Variants in PLXNA4 observed in about 807,000 individuals in gnomAD.
PLXNA4 encodes plexin-A4.
In PLXNA4, 44 loss-of-function variants were observed where a neutral mutation model predicts 191.8. That is an observed-to-expected ratio of 0.23 (90% CI 0.18 to 0.29). PLXNA4 has a LOEUF of 0.29. Ranked by LOEUF, PLXNA4 falls within the 10% of genes least tolerant of loss-of-function variation. PLXNA4 has a pLI of 1.00. For missense variants in PLXNA4, 1,800 were observed against 2,488.8 expected (o/e 0.72, Z 5.89); for synonymous variants, 1,082 against 1,009.5 (o/e 1.07, Z -1.36).
chr7:132,209,059 T>C (rs1418518804), intron 10 of PLXNA4, among the ~76,000 whole-genome samples: 12 of 152,234 alleles, frequency 7.9e-5, no homozygotes. Flanking sequence ...AGCGAGCTTC[T>C]TGGAAGCTAA....
Position 132,508,619 on chromosome 7 carries a change from C to A in PLXNA4, c.75G>T (p.Leu25Phe). 1.9e-6 allele frequency: 3 copies of A among 1,609,754 alleles called. No individual in the cohort carries two copies. Among genetic ancestry groups the A allele is most frequent in the Admixed American group, 1.7e-5 (1 of 59,592 alleles). Residue 25 changes from leucine (L) to phenylalanine (F), a missense_variant, in exon 2 of 32, where the codon TTG (leucine) becomes TTT (phenylalanine). Coordinates refer to ENST00000321063, the MANE Select transcript of PLXNA4 (RefSeq NM_020911.2). This position sits in a 1 kb window ranked among gnomAD's most constrained non-coding sequence, Gnocchi z 4.4. ...ACAGCGGGGCTGGCTGCCGGGTGAG[C>A]AAAGTGGAGGAGCCCATGCCCACCA... ...LLMVGMGSST[L>F]LTRQPAPLSQ...
intron 3 of PLXNA4, chr7:132,384,070 C>A (rs924096669): frequency 2.0e-6 from 2 of 985,464 alleles, no homozygotes; most frequent in South Asian, 4.7e-5. Flanking sequence ...CTCACTAAAT[C>A]TCCAGCTTTG....
intron 3 of PLXNA4, among the ~76,000 whole-genome samples, chr7:132,389,617 A>G (rs1352508001): frequency 6.6e-6 from 1 of 152,090 alleles, no homozygotes. Context: ...GTTCTGTTCC[A>G]TTGGTCTAGA....
chr7:132,374,170 C>T (rs1486995238), intron 3 of PLXNA4, among the ~76,000 whole-genome samples: 1 of 152,164 alleles, frequency 6.6e-6, no homozygotes, highest in African/African-American at 2.4e-5. Context: ...TAAAAGTGGA[C>T]CAAAGGAGTA....
intron 1 of PLXNA4, among the ~76,000 whole-genome samples, chr7:132,529,612 T>TC (rs977619085): frequency 2.0e-5 from 3 of 150,826 alleles, no homozygotes; most frequent in African/African-American, 4.9e-5. Context: ...GTATTCTTTT[T>TC]TTTTTTTTTT....
chr7:132,550,031 C>T (rs1426499), intron 1 of PLXNA4, among the ~76,000 whole-genome samples: 65,699 of 151,948 alleles, frequency 0.43, 14,359 homozygotes, highest in East Asian at 0.49. Context: ...AGCACCAACC[C>T]AGACTTTGGG....
intron 2 of PLXNA4, among the ~76,000 whole-genome samples, chr7:132,617,334 T>A (rs1803176370): frequency 6.6e-6 from 1 of 152,050 alleles, no homozygotes; most frequent in African/African-American, 2.4e-5. Context: ...TGAAGACTGA[T>A]CAGGAAGGCA....
At chr7:132,234,030 C>G (rs972236119) in intron 5 of PLXNA4, among the ~76,000 whole-genome samples, 1 of 151,912 alleles carries the variant, frequency 6.6e-6, no homozygotes, top group Non-Finnish European at 1.5e-5. Flanking sequence ...TAATTTTCTA[C>G]TAAGGTTGAG....
intron 3 of PLXNA4, among the ~76,000 whole-genome samples, chr7:132,443,372 C>T (rs1277573752): frequency 6.6e-6 from 1 of 152,200 alleles, no homozygotes; most frequent in Non-Finnish European, 1.5e-5. Flanking sequence ...AGTCGCACTG[C>T]CTGAAGTTTA....
chr7:132,207,034 T>C (rs1797648269), intron 10 of PLXNA4, among the ~76,000 whole-genome samples: 1 of 152,176 alleles, frequency 6.6e-6, no homozygotes. Context: ...GAGACCTCGA[T>C]ATAACTGAGA....
At chr7:132,337,587 C>G (rs778367179) in intron 3 of PLXNA4, among the ~76,000 whole-genome samples, 9 of 152,200 alleles carry the variant, frequency 5.9e-5, no homozygotes, top group Non-Finnish European at 1.2e-4. Context: ...AAGCCCATTT[C>G]TAAGAAACAA....
At chr7:132,240,981 G>C (rs1222207976) in intron 5 of PLXNA4, 85 bp downstream of exon 5, 2 of 887,874 alleles carry the variant, frequency 2.3e-6, no homozygotes, top group East Asian at 5.5e-5. Context: ...AGATCAAAGG[G>C]AAGGGCAGTG....
chr7:132,563,814 CCTT>C (rs1801530818), intron 1 of PLXNA4, among the ~76,000 whole-genome samples: 1 of 85,610 alleles, frequency 1.2e-5, no homozygotes. Flanking sequence ...TTCTCCTCCT[CCTT>C]CTCCTCCTCC....
chr7:132,523,934 G>C (rs1799293803), intron 1 of PLXNA4, among the ~76,000 whole-genome samples: 2 of 152,338 alleles, frequency 1.3e-5, no homozygotes, highest in Admixed American at 1.3e-4. Context: ...AGGTTGTCTA[G>C]AGGGCCCACC....
chr7:132,570,046 C>G (rs1464614764), intron 1 of PLXNA4, among the ~76,000 whole-genome samples: 1 of 152,204 alleles, frequency 6.6e-6, no homozygotes, highest in South Asian at 2.1e-4. Context: ...AGTTTATATA[C>G]TTTTGTGATT....
At chr7:132,157,758 C>T (rs1562888280) in intron 25 of PLXNA4, among the ~76,000 whole-genome samples, 1 of 152,218 alleles carries the variant, frequency 6.6e-6, no homozygotes, top group Non-Finnish European at 1.5e-5. Context: ...ACAGTGGGTG[C>T]TAGCTGGTTC....
intron 3 of PLXNA4, among the ~76,000 whole-genome samples, chr7:132,386,356 G>A (rs1315913203): frequency 1.3e-5 from 2 of 152,178 alleles, no homozygotes; most frequent in African/African-American, 2.4e-5. Flanking sequence ...CCAAATGACC[G>A]CTGGTCAAAC....
chr7:132,487,185 T>TCA lies in PLXNA4; in HGVS notation c.1371+2105_1371+2106dup, dbSNP rs1011877858. ...TTCACTGCCCAACCAGCTCAGACAA[T>TCA]CACACACACACACAAATCCTCATCC... is the stretch of plus-strand genomic sequence containing the variant. On this transcript the variant is annotated intron_variant, in intron 3 of 31. Transcript: ENST00000321063. 2.0e-5 allele frequency among the ~76,000 whole-genome samples: 3 copies of TCA among 151,928 alleles called. No individual in the cohort carries two copies. In the South Asian group the frequency reaches 6.2e-4, roughly 32 times the overall value.
rs1230708142 is a variant in PLXNA4 at position 132,178,841 on chromosome 7, T to TACAC, written c.3874+845_3874+846insGTGT. Among the ~76,000 whole-genome samples, 123 of 42,024 alleles carry TACAC rather than the reference T, an allele frequency of 2.9e-3. 11 individuals carry two copies. The highest frequency in any genetic ancestry group is 0.011 in the African/African-American group (63 of 5,714). 27.6% of individuals were successfully genotyped at this position (42,024 alleles called of 152,430 possible). Reference sequence around the variant, plus strand: ...TAAATGAAACACATACACATACACATATATACACACACACACACACACACA... The same window carrying TACAC: ...TAAATGAAACACATACACATACACATACACATATACACACACACACACACACACA... On this transcript the variant is annotated intron_variant, in intron 20 of 31. Transcript: ENST00000321063.
Sources: allele counts gnomAD v4.1 joint callset (sites outside exome capture counted in the v4.1 genomes callset), GRCh38; gene constraint gnomAD v4.1.1; non-coding constraint Gnocchi (gnomAD v3.1); transcripts MANE v1.5; gene names NCBI Gene and HGNC (gene_info 2026-07-23, HGNC 2026-07-21).